The following SPI1 variants were observed in gnomAD, a reference collection of about 807,000 sequenced individuals.
The protein encoded by SPI1 is transcription factor PU.1.
A neutral mutation model predicts 30.7 loss-of-function variants in SPI1; 3 were observed. The ratio of observed to expected loss-of-function variants is 0.10; its 90% CI spans 0.04 to 0.25. SPI1 has a LOEUF of 0.25. Among genes scored for constraint, SPI1 ranks in the 10% least tolerant of loss-of-function variants. SPI1 has a pLI of 1.00. For missense variants in SPI1, 261 were observed against 371.5 expected (o/e 0.70, Z 2.45); for synonymous variants, 169 against 157.1 (o/e 1.08, Z -0.56).
At chr11:47,362,583 T>TG (rs1409018585) in intron 2 of SPI1, among the ~76,000 whole-genome samples, 2 of 147,630 alleles carry the variant, frequency 1.4e-5, no homozygotes, top group Non-Finnish European at 3.0e-5. Context: ...TTTTTTTTTT[T>TG]TTTTTTTTCT....
intron 2 of SPI1, among the ~76,000 whole-genome samples, chr11:47,371,221 A>G (rs1026441783): frequency 1.4e-4 from 21 of 150,202 alleles, no homozygotes; most frequent in Non-Finnish European, 2.5e-4. Flanking sequence ...CTAGCTGGGC[A>G]TGGTGGCACT....
intron 4 of SPI1, among the ~76,000 whole-genome samples, chr11:47,356,833 C>G (rs1225355620): frequency 2.0e-5 from 3 of 150,614 alleles, no homozygotes; most frequent in Non-Finnish European, 3.0e-5. Context: ...TCTCACGTTA[C>G]TCAGCCCCAC....
chr11:47,358,536 G>T (rs61897389), intron 4 of SPI1: 71,235 of 687,880 alleles, frequency 0.1, 4,263 homozygotes, highest in Non-Finnish European at 0.13. Flanking sequence ...ACATGCACCT[G>T]CCCGTACCTG....
At chr11:47,367,410 C>T (rs758711403) in intron 2 of SPI1, among the ~76,000 whole-genome samples, 4 of 151,470 alleles carry the variant, frequency 2.6e-5, no homozygotes, top group Admixed American at 6.6e-5. Context: ...AAAAAGTAGC[C>T]GGGCGTGGTG....
intron 1 of SPI1, among the ~76,000 whole-genome samples, chr11:47,377,554 T>C (rs2095943949): frequency 6.6e-6 from 1 of 151,946 alleles, no homozygotes; most frequent in Admixed American, 6.6e-5. Flanking sequence ...ACCCAGTCCC[T>C]GTCCTTGTCC....
At chr11:47,361,053 G>A (rs1454624125) in intron 2 of SPI1, among the ~76,000 whole-genome samples, 1 of 151,934 alleles carries the variant, frequency 6.6e-6, no homozygotes, top group Admixed American at 6.6e-5. Flanking sequence ...CCCAGGAGGC[G>A]GAGGCTGCAG....
At chr11:47,373,579 C>T (rs190535375) in intron 2 of SPI1, among the ~76,000 whole-genome samples, 58 of 150,678 alleles carry the variant, frequency 3.8e-4, no homozygotes, top group Middle Eastern at 6.8e-3. Flanking sequence ...ACCCAGGAGG[C>T]GGAGGTTGCA....
chr11:47,375,733 C>T lies in SPI1; in HGVS notation c.46-4G>A. ...AGGGCACCAGGTCTTCTGATGGCTG[C>T]TGAGAGAGGAGGTGTCAGGGCCTGC... On this transcript the variant is annotated splice_polypyrimidine_tract_variant and splice_region_variant and intron_variant, in intron 1 of 4. Coordinates refer to ENST00000378538, the MANE Select transcript of SPI1 (RefSeq NM_003120.3). This position sits in a 1 kb window ranked among gnomAD's most constrained non-coding sequence, Gnocchi z 4.2. The T allele has an allele frequency of 6.2e-7, 1 of 1,612,664 alleles. No homozygotes were observed. The highest frequency in any genetic ancestry group is 1.1e-5 in the South Asian group (1 of 91,052).
chr11:47,363,897 AG>A (rs2095924447), intron 2 of SPI1, among the ~76,000 whole-genome samples: 1 of 115,146 alleles, frequency 8.7e-6, no homozygotes, highest in African/African-American at 3.3e-5. Flanking sequence ...AGGGAGGTGG[AG>A]GTTGTGGTGA....
rs745783323 is a variant in SPI1 at position 47,359,804 on chromosome 11, C to A, written c.330+49G>T. 42 of 1,585,082 alleles carry A rather than the reference C, an allele frequency of 2.6e-5. No homozygotes were observed. The South Asian group carries it at 4.3e-4, about 16-fold the overall frequency. On this transcript the variant is annotated intron_variant, in intron 3 of 4. Coordinates refer to ENST00000378538, the MANE Select transcript of SPI1 (RefSeq NM_003120.3). The surrounding 1 kb of genome is among the most constrained non-coding windows in gnomAD (Gnocchi z 5.1). ...CTTCCTGTGAAGCTCCCGGGCCCCA[C>A]CACAGGCCTGGCAGTCTCCTGGGGG...
chr11:47,370,947 C>A (rs1341088853), intron 2 of SPI1, among the ~76,000 whole-genome samples: 2 of 152,032 alleles, frequency 1.3e-5, no homozygotes, highest in East Asian at 3.9e-4. Context: ...TAAAATATAT[C>A]TCTAACTGAA....
intron 2 of SPI1, among the ~76,000 whole-genome samples, chr11:47,361,268 GCTGACATTC>G (rs1341493127): frequency 6.6e-6 from 1 of 152,164 alleles, no homozygotes. Context: ...GAGTCACAGG[GCTGACATTC>G]CTCACACACT....
At chr11:47,377,821 C>A (rs1347887846) in intron 1 of SPI1, among the ~76,000 whole-genome samples, 1 of 152,246 alleles carries the variant, frequency 6.6e-6, no homozygotes, top group Non-Finnish European at 1.5e-5. Flanking sequence ...GTGCCAGGCC[C>A]CAGACTGGGC....
chr11:47,365,315 G>T (rs2095926693), intron 2 of SPI1, among the ~76,000 whole-genome samples: 1 of 152,124 alleles, frequency 6.6e-6, no homozygotes, highest in Admixed American at 6.6e-5. Context: ...CATGGCTCTG[G>T]ACCCTCATTT....
chr11:47,358,359 C>T (rs2095915217), intron 4 of SPI1: 5 of 597,518 alleles, frequency 8.4e-6, no homozygotes, highest in South Asian at 5.7e-5. Context: ...CACACAGGCA[C>T]ACCCACACAC....
chr11:47,355,079 T>C lies in SPI1; in HGVS notation c.*148A>G. 3 of 307,974 alleles carry C rather than the reference T, an allele frequency of 9.7e-6. No homozygotes were observed. The highest frequency in any genetic ancestry group is 1.4e-5 in the Non-Finnish European group (3 of 221,946). The allele number at this position is 307,974 out of a possible 1,614,324, so 19.1% of individuals were successfully genotyped here. On this transcript the variant is annotated 3_prime_UTR_variant, in exon 5 of 5. Transcript: ENST00000378538. Reference sequence around the variant, plus strand: ...AGCGGGATGTGGAGGGGGCCTGGAGTGGGGGGAGGGGGCGGGTGAGGCGAG... The same window carrying C: ...AGCGGGATGTGGAGGGGGCCTGGAGCGGGGGGAGGGGGCGGGTGAGGCGAG...
At chr11:47,362,010 G>C (rs936240609) in intron 2 of SPI1, among the ~76,000 whole-genome samples, 3 of 152,202 alleles carry the variant, frequency 2.0e-5, no homozygotes, top group African/African-American at 7.2e-5. Context: ...ACATGGCAGA[G>C]AGGAGAGAAA....
At chr11:47,361,207 TCA>T (rs1454538104) in intron 2 of SPI1, among the ~76,000 whole-genome samples, 1 of 152,026 alleles carries the variant, frequency 6.6e-6, no homozygotes, top group Non-Finnish European at 1.5e-5. Flanking sequence ...TCTCTCTGTC[TCA>T]CACACACACA....
chr11:47,356,022 T>C (rs1348473465), intron 4 of SPI1, among the ~76,000 whole-genome samples: 1 of 150,774 alleles, frequency 6.6e-6, no homozygotes, highest in Non-Finnish European at 1.5e-5. Flanking sequence ...ACACACATGC[T>C]GTCACACACA....
Sources: allele counts gnomAD v4.1 joint callset (sites outside exome capture counted in the v4.1 genomes callset), GRCh38; gene constraint gnomAD v4.1.1; non-coding constraint Gnocchi (gnomAD v3.1); transcripts MANE v1.5; gene names NCBI Gene and HGNC (gene_info 2026-07-23, HGNC 2026-07-21).